ADGRL2: variants seen among roughly 807,000 people sequenced by gnomAD.
ADGRL2 encodes adhesion G protein-coupled receptor L2, also known as calcium-independent alpha-latrotoxin receptor 2.
ADGRL2 carries 44 observed loss-of-function variants against 157.4 expected under a neutral mutation model. That is an observed-to-expected ratio of 0.28 (90% CI 0.22 to 0.36). The LOEUF (loss-of-function observed/expected upper bound fraction) is 0.36. Among genes scored for constraint, ADGRL2 ranks in the 10% least tolerant of loss-of-function variants. The pLI, the probability that ADGRL2 is intolerant of heterozygous loss-of-function variation, is 1.00. For missense variants in ADGRL2, 1,510 were observed against 1,768.9 expected (o/e 0.85, Z 2.63); for synonymous variants, 585 against 624.7 (o/e 0.94, Z 0.95).
At chr1:81,647,597 A>G (rs2082338668) in intron 3 of ADGRL2, among the ~76,000 whole-genome samples, 1 of 152,158 alleles carries the variant, frequency 6.6e-6, no homozygotes, top group African/African-American at 2.4e-5. Flanking sequence ...TCATGTTTAG[A>G]CTTTGGTCCC....
intron 8 of ADGRL2, 90 bp from the exon 9 acceptor site, chr1:81,951,867 T>G (rs955465223): frequency 3.5e-5 from 35 of 1,013,480 alleles, no homozygotes; most frequent in Non-Finnish European, 4.5e-5. Context: ...TTCGCAAATT[T>G]TTTTCACCAC....
At chr1:81,685,508 C>G (rs1292029145) in intron 3 of ADGRL2, among the ~76,000 whole-genome samples, 1 of 152,040 alleles carries the variant, frequency 6.6e-6, no homozygotes. Flanking sequence ...TTGCTGAATT[C>G]TTTAATCAGT....
intron 3 of ADGRL2, among the ~76,000 whole-genome samples, chr1:81,672,239 C>T (rs180717553): frequency 6.6e-6 from 1 of 152,236 alleles, no homozygotes; most frequent in East Asian, 1.9e-4. Flanking sequence ...AAATGTCTCC[C>T]GGTGTAGAAA....
chr1:81,716,120 T>C (rs1054111304), intron 1 of ADGRL2, among the ~76,000 whole-genome samples: 13 of 152,232 alleles, frequency 8.5e-5, no homozygotes, highest in African/African-American at 2.9e-4. Flanking sequence ...CTTCACTTGG[T>C]CTCTAACACA....
intron 3 of ADGRL2, among the ~76,000 whole-genome samples, chr1:81,650,151 C>T (rs1209342404): frequency 6.6e-6 from 1 of 151,684 alleles, no homozygotes; most frequent in Non-Finnish European, 1.5e-5. Flanking sequence ...CGATAGTAAA[C>T]TGGGACCCTT....
At chr1:81,841,949 G>A (rs947100474) in intron 2 of ADGRL2, among the ~76,000 whole-genome samples, 11 of 152,256 alleles carry the variant, frequency 7.2e-5, no homozygotes, top group Middle Eastern at 3.4e-3. Context: ...ATAGTTGGAT[G>A]GTTGCATGTG....
chr1:81,537,710 T>TG (rs1179998445), intron 2 of ADGRL2, among the ~76,000 whole-genome samples: 2 of 151,962 alleles, frequency 1.3e-5, no homozygotes, highest in Non-Finnish European at 2.9e-5. Flanking sequence ...TTCTCTCTTT[T>TG]TTTTTTTAGA....
At chr1:81,777,157 A>G (rs953732026) in intron 2 of ADGRL2, among the ~76,000 whole-genome samples, 22 of 152,336 alleles carry the variant, frequency 1.4e-4, no homozygotes, top group Non-Finnish European at 3.2e-4. Context: ...TCTGTAAAAT[A>G]ATACTTCCAG....
chr1:81,749,029 A>G (rs752050247), intron 1 of ADGRL2, among the ~76,000 whole-genome samples: 2 of 152,204 alleles, frequency 1.3e-5, no homozygotes, highest in Non-Finnish European at 2.9e-5. Flanking sequence ...AACAGCTACA[A>G]TGAAAATATT....
intron 1 of ADGRL2, among the ~76,000 whole-genome samples, chr1:81,443,109 A>G (rs1304354018): frequency 6.6e-6 from 1 of 152,192 alleles, no homozygotes; most frequent in African/African-American, 2.4e-5. Flanking sequence ...CCATCTGGGA[A>G]TTCTGCTGTT....
chr1:81,581,874 G>GCACACA (rs869309464), intron 3 of ADGRL2, among the ~76,000 whole-genome samples: 1,222 of 83,510 alleles, frequency 0.015, 13 homozygotes, highest in East Asian at 0.048. Context: ...ACACATGCGC[G>GCACACA]CACACACACA....
At chr1:81,615,647 G>A (rs1030461621) in intron 3 of ADGRL2, among the ~76,000 whole-genome samples, 14 of 152,104 alleles carry the variant, frequency 9.2e-5, no homozygotes, top group African/African-American at 2.4e-4. Flanking sequence ...CACCAATTCC[G>A]GACACACTAT....
chr1:81,941,926 T>G, intron 4 of ADGRL2, 108 bp from the exon 5 acceptor site: 1 of 593,840 alleles, frequency 1.7e-6, no homozygotes, highest in Non-Finnish European at 3.1e-6. Context: ...TTCCTATATT[T>G]AGCATCTGTT....
At chr1:81,736,330 C>T (rs1051073655) in intron 1 of ADGRL2, among the ~76,000 whole-genome samples, 2 of 152,032 alleles carry the variant, frequency 1.3e-5, no homozygotes, top group African/African-American at 4.8e-5. Context: ...TATAGAGAAG[C>T]ACAAGAAGTA....
intron 1 of ADGRL2, among the ~76,000 whole-genome samples, chr1:81,735,838 A>G (rs1482445517): frequency 6.6e-6 from 1 of 151,678 alleles, no homozygotes; most frequent in African/African-American, 2.4e-5. Flanking sequence ...CAAATAATAA[A>G]TGTCAAGCTA....
At chr1:81,727,727 G>A (rs926651336) in intron 1 of ADGRL2, among the ~76,000 whole-genome samples, 4 of 151,996 alleles carry the variant, frequency 2.6e-5, no homozygotes, top group Non-Finnish European at 5.9e-5. Context: ...CACCACGCCT[G>A]GCTGAAAACT....
At chr1:81,710,027 T>C (rs1226863080) in intron 1 of ADGRL2, among the ~76,000 whole-genome samples, 2 of 152,174 alleles carry the variant, frequency 1.3e-5, no homozygotes, top group Admixed American at 1.3e-4. Context: ...TGTCTCCTTA[T>C]CTGTTTTGGA....
chr1:81,938,888 T>C (rs550402615), intron 4 of ADGRL2, among the ~76,000 whole-genome samples: 2 of 151,734 alleles, frequency 1.3e-5, no homozygotes, highest in African/African-American at 4.8e-5. Context: ...CCTTATACTT[T>C]CTTTTAGTTT....
At chr1:81,655,439 A>G (rs2082512301) in intron 3 of ADGRL2, among the ~76,000 whole-genome samples, 1 of 151,936 alleles carries the variant, frequency 6.6e-6, no homozygotes, top group Non-Finnish European at 1.5e-5. Flanking sequence ...CATATGTCAG[A>G]CTCCAAAGCC....
Sources: allele counts gnomAD v4.1 joint callset (sites outside exome capture counted in the v4.1 genomes callset), GRCh38; gene constraint gnomAD v4.1.1; transcripts MANE v1.5; gene names NCBI Gene and HGNC (gene_info 2026-07-23, HGNC 2026-07-21).